The following RIMBP2 variants were observed in gnomAD, a reference collection of about 807,000 sequenced individuals.
RIMBP2 encodes RIMS binding protein 2.
A neutral mutation model predicts 118.6 loss-of-function variants in RIMBP2; 48 were observed. The ratio of observed to expected loss-of-function variants is 0.40; its 90% confidence interval spans 0.32 to 0.51. The LOEUF (loss-of-function observed/expected upper bound fraction) is 0.51. RIMBP2 is among the 20% of genes least tolerant of loss of function. The probability of loss-of-function intolerance (pLI) is 0.41; values close to 1 mark genes in which losing one functional copy is unlikely to be tolerated. For synonymous variants in RIMBP2, 762 were observed against 742.9 expected, an observed-to-expected ratio of 1.03 and a Z score of -0.42; for missense variants, 1,551 against 1,768.3, an observed-to-expected ratio of 0.88 and a Z score of 2.20.
intron 1 of RIMBP2, among the ~76,000 whole-genome samples, chr12:130,673,421 T>C (rs930236500): frequency 6.6e-6 from 1 of 152,224 alleles, no homozygotes; most frequent in African/African-American, 2.4e-5. Context: ...CGAAGGAGGC[T>C]GAGGCACTGA....
chr12:130,517,005 C>T (rs2051538017), intron 3 of RIMBP2, among the ~76,000 whole-genome samples: 1 of 152,106 alleles, frequency 6.6e-6, no homozygotes, highest in Non-Finnish European at 1.5e-5. Context: ...GGTTGGTGCG[C>T]TCCATGGTTT....
chr12:130,612,310 G>A (rs2060607802), intron 2 of RIMBP2, among the ~76,000 whole-genome samples: 1 of 152,136 alleles, frequency 6.6e-6, no homozygotes, highest in Non-Finnish European at 1.5e-5. Flanking sequence ...GTTGGCCAGG[G>A]GATCCAGCTT....
At position 130,442,983 on chromosome 12, in the gene RIMBP2, C is replaced by T. The variant is rs746302921; in HGVS notation, c.692-323G>A. 1.5e-4 allele frequency among the ~76,000 whole-genome samples: 23 copies of T among 152,198 alleles called. No homozygotes were observed. Among genetic ancestry groups the T allele is most frequent in the African/African-American group, 4.6e-4 (19 of 41,456 alleles). ...ACACTCAGGGACAGCAGGGACCACACGACTATTGAATGCCCAGCCCTAGAG... is the reference window on the plus strand; with the variant it reads ...ACACTCAGGGACAGCAGGGACCACATGACTATTGAATGCCCAGCCCTAGAG... On this transcript the variant is annotated intron_variant, in intron 10 of 22. Transcript: ENST00000690449. The surrounding 1 kb of genome is among the most constrained non-coding windows in gnomAD (Gnocchi z 6.9).
intron 21 of RIMBP2, among the ~76,000 whole-genome samples, chr12:130,403,011 G>A (rs923439507): frequency 3.1e-4 from 47 of 152,340 alleles, no homozygotes; most frequent in African/African-American, 1.1e-3. Context: ...AGGACAGCAG[G>A]AGTCCCTCGG....
chr12:130,434,594 T>G lies in RIMBP2; in HGVS notation c.2253+140A>C, dbSNP rs912839260. ...TAAACTTCAGAAACCTAGCACGACT[T>G]AGGACCCCAGCTGGGCGTCTCCATC... On this transcript the variant is annotated intron_variant, in intron 14 of 22. Transcript: ENST00000690449. The surrounding 1 kb of genome is among the most constrained non-coding windows in gnomAD (Gnocchi z 5.7). 4.0e-5 allele frequency: 34 copies of G among 854,740 alleles called. No individual in the cohort carries two copies. The highest frequency in any genetic ancestry group is 5.7e-5 in the Non-Finnish European group (32 of 564,252). 52.9% of individuals were successfully genotyped at this position (854,740 alleles called of 1,614,324 possible). A position where few individuals can be genotyped will look rare whatever the true frequency, so the allele number is the denominator to read the frequency against.
intron 2 of RIMBP2, among the ~76,000 whole-genome samples, chr12:130,611,079 CAGG>C (rs2060512880): frequency 2.0e-5 from 3 of 152,316 alleles, no homozygotes; most frequent in South Asian, 2.1e-4. Context: ...TCAAAAAGGC[CAGG>C]AGAAGAGAGC....
intron 7 of RIMBP2, among the ~76,000 whole-genome samples, chr12:130,451,765 C>T (rs867833143): frequency 7.9e-5 from 12 of 151,874 alleles, no homozygotes; most frequent in East Asian, 3.9e-4. Flanking sequence ...AAGTGGATCC[C>T]GGCGATGGGC....
chr12:130,481,933 C>A (rs56297466), intron 4 of RIMBP2, among the ~76,000 whole-genome samples: 74,141 of 150,564 alleles, frequency 0.49, 20,690 homozygotes, highest in Non-Finnish European at 0.62. Flanking sequence ...CCCCCCAAGC[C>A]GCCACCACCA....
chr12:130,493,942 C>T (rs528930096), intron 4 of RIMBP2, among the ~76,000 whole-genome samples: 10 of 152,342 alleles, frequency 6.6e-5, no homozygotes, highest in South Asian at 2.1e-4. Flanking sequence ...GCACCAACTA[C>T]GTCCAGGTGG....
At chr12:130,692,730 G>A (rs989717797) in intron 1 of RIMBP2, among the ~76,000 whole-genome samples, 2 of 152,024 alleles carry the variant, frequency 1.3e-5, no homozygotes, top group Non-Finnish European at 2.9e-5. Flanking sequence ...GGGTGCAGTG[G>A]AATAGGTGGA....
At chr12:130,459,612 T>A (rs376450160) in intron 6 of RIMBP2, among the ~76,000 whole-genome samples, 4 of 152,118 alleles carry the variant, frequency 2.6e-5, no homozygotes, top group Middle Eastern at 3.4e-3. Context: ...GCGGCTGAGG[T>A]CACAGGAGCC....
intron 6 of RIMBP2, among the ~76,000 whole-genome samples, chr12:130,460,701 AC>A (rs2079900790): frequency 6.6e-6 from 1 of 152,180 alleles, no homozygotes. Context: ...AGCAGCAGCA[AC>A]AGCAGGGATA....
intron 2 of RIMBP2, among the ~76,000 whole-genome samples, chr12:130,587,517 G>A (rs1268602151): frequency 3.9e-4 from 32 of 82,614 alleles, no homozygotes; most frequent in African/African-American, 8.1e-4. Flanking sequence ...TGATGAGTTC[G>A]TGTCCTTTGT....
chr12:130,407,616 T>C, intron 20 of RIMBP2, 110 bp downstream of exon 20: 1 of 890,340 alleles, frequency 1.1e-6, no homozygotes, highest in Admixed American at 1.7e-5. Context: ...TACGGATGGT[T>C]CGGAGAGAAG....
At chr12:130,700,506 G>A (rs978887114) in intron 1 of RIMBP2, among the ~76,000 whole-genome samples, 3 of 152,172 alleles carry the variant, frequency 2.0e-5, no homozygotes, top group African/African-American at 2.4e-5. Flanking sequence ...TCAATCCAAC[G>A]AGAATGTCCT....
intron 1 of RIMBP2, among the ~76,000 whole-genome samples, chr12:130,699,904 T>TAA (rs33963621): frequency 0.029 from 2,497 of 85,534 alleles, 91 homozygotes; most frequent in Non-Finnish European, 0.044. Context: ...GACTCTGTCT[T>TAA]AAAAAAAAAA....
At position 130,407,786 on chromosome 12, in the gene RIMBP2, C is replaced by A. The variant is rs1264498206; in HGVS notation, c.3633G>T (p.Arg1211=). 6.2e-7 allele frequency: 1 copy of A among 1,614,162 alleles called. No individual in the cohort carries two copies. The highest frequency in any genetic ancestry group is 1.7e-5 in the Admixed American group (1 of 60,028). Residue 1211 remains arginine, a synonymous_variant, in exon 20 of 23, where the codon CGG becomes CGT. Coordinates refer to ENST00000690449, the MANE Select transcript of RIMBP2 (RefSeq NM_001393629.1). ...CGTAGTCATACAGGGCCACCATTCT[C>A]CGCGTCGATACCGAATGACGCCTGC... is the stretch of plus-strand genomic sequence containing the variant. The part of the protein sequence containing the change: ...RSGRRHSVST[R]RMVALYDYDP...
At chr12:130,704,883 T>G (rs2066026277) in intron 1 of RIMBP2, among the ~76,000 whole-genome samples, 1 of 152,204 alleles carries the variant, frequency 6.6e-6, no homozygotes, top group Non-Finnish European at 1.5e-5. Context: ...CACCTGTCTG[T>G]GCGTCCAAGT....
rs56211809 is a variant in RIMBP2, at chr12:130,670,388, G to A, written c.-351-41932C>T. Among the ~76,000 whole-genome samples the A allele has an allele frequency of 0.051, 7,731 of 152,208 alleles. 305 individuals are homozygous for A. The highest frequency in any genetic ancestry group is 0.11 in the African/African-American group (4,533 of 41,506). ...CCAGCGTGTGAGCATTTTGCCTCGG[G>A]AAACTAGAGGGCAGTAGTCATGTGG... On this transcript the variant is annotated intron_variant, in intron 1 of 22. Transcript: ENST00000690449. This position sits in a 1 kb window ranked among gnomAD's most constrained non-coding sequence, Gnocchi z 4.9.
Sources: allele counts gnomAD v4.1 joint callset (sites outside exome capture counted in the v4.1 genomes callset), GRCh38; gene constraint gnomAD v4.1.1; non-coding constraint Gnocchi (gnomAD v3.1); transcripts MANE v1.5; gene names NCBI Gene and HGNC (gene_info 2026-07-23, HGNC 2026-07-21).